The following THNSL2 variants were observed in gnomAD, a reference collection of about 807,000 sequenced individuals.
THNSL2 encodes the protein threonine synthase like 2, also known as threonine synthase-like 2.
In THNSL2, 34 loss-of-function variants were observed where a neutral mutation model predicts 40.0. The ratio of observed to expected loss-of-function variants is 0.85; its 90% confidence interval spans 0.65 to 1.13. THNSL2 has a LOEUF of 1.13. Among genes scored for constraint, THNSL2 ranks in the 50% most tolerant of loss-of-function variants. The probability of loss-of-function intolerance (pLI) is 0.00; values close to 1 mark genes in which losing one functional copy is unlikely to be tolerated. For missense variants in THNSL2, 537 were observed against 608.8 expected (o/e 0.88, Z 1.24); for synonymous variants, 241 against 247.5 (o/e 0.97, Z 0.25).
intron 4 of THNSL2, among the ~76,000 whole-genome samples, chr2:88,178,385 T>C (rs1677162350): frequency 6.6e-6 from 1 of 152,170 alleles, no homozygotes; most frequent in Admixed American, 6.5e-5. Flanking sequence ...TCTCTCACCG[T>C]TTTCCAATCA....
At position 88,183,042 on chromosome 2, in the gene THNSL2, G is replaced by A. The variant is rs532957324; in HGVS notation, c.1046G>A (p.Ser349Asn). The part of the protein sequence containing the change: ...ALMEQFERTQ[S>N]VNLPKELHSK... ...ATGGAGCAGTTTGAAAGGACCCAAA[G>A]TGTGAATCTGCCCAAGGAACTGCAC... Residue 349 changes from serine to asparagine, a missense_variant, in exon 7 of 9, where the codon AGT becomes AAT. Transcript: ENST00000674334. The A allele has an allele frequency of 6.8e-6, 11 of 1,613,510 alleles. No homozygotes were observed. Among genetic ancestry groups the A allele is most frequent in the South Asian group, 1.1e-5 (1 of 91,050 alleles).
chr2:88,185,197 C>A, intron 7 of THNSL2, 131 bp from the exon 8 acceptor site: 2 of 1,297,054 alleles, frequency 1.5e-6, no homozygotes, highest in Non-Finnish European at 2.1e-6. Context: ...TGAGCCACAT[C>A]TGAGCCATTC....
At position 88,186,536 on chromosome 2, in the gene THNSL2, A is replaced by C; in HGVS notation, c.*413A>C. On this transcript the variant is annotated 3_prime_UTR_variant, in exon 9 of 9. Coordinates refer to ENST00000674334, the MANE Select transcript of THNSL2 (RefSeq NM_018271.5). ...AGCCTTAGTTGATTTTGGCCCCCAA[A>C]CCAAATCCAAAGGTTCTGGCCCACC... The C allele has an allele frequency of 5.1e-6, 1 of 196,360 alleles. No homozygotes were observed. The highest frequency in any genetic ancestry group is 2.3e-5 in the African/African-American group (1 of 44,094). 12.2% of individuals were successfully genotyped at this position (196,360 alleles called of 1,614,324 possible). A position where few individuals can be genotyped will look rare whatever the true frequency, so the allele number is the denominator to read the frequency against.
At chr2:88,184,755 G>C (rs1423318014) in intron 7 of THNSL2, among the ~76,000 whole-genome samples, 1 of 145,492 alleles carries the variant, frequency 6.9e-6, no homozygotes, top group African/African-American at 2.5e-5. Context: ...GTGACAGAGA[G>C]AGACTCTGTC....
chr2:88,177,878 C>G (rs967650762), intron 4 of THNSL2, among the ~76,000 whole-genome samples: 1 of 152,200 alleles, frequency 6.6e-6, no homozygotes, highest in Non-Finnish European at 1.5e-5. Flanking sequence ...TTGGTCCTGG[C>G]AAAGGAATGG....
At position 88,185,386 on chromosome 2, in the gene THNSL2, G is replaced by A. The variant is rs758117080; in HGVS notation, c.1136G>A (p.Gly379Asp). The A allele has an allele frequency of 6.2e-7, 1 of 1,614,058 alleles. No individual in the cohort carries two copies. Among genetic ancestry groups the A allele is most frequent in the Non-Finnish European group, 8.5e-7 (1 of 1,180,028 alleles). The part of the protein sequence containing the change: ...VSDEAITQTM[G>D]RCWDENQYLL... ...GATGAAGCCATCACCCAGACCATGG[G>A]CCGCTGCTGGGATGAGAACCAGTAC... The change falls in exon 8 of 9, where the codon GGC becomes GAC. Residue 379 changes from glycine to aspartate, a missense_variant. Coordinates refer to ENST00000674334, the MANE Select transcript of THNSL2 (RefSeq NM_018271.5).
intron 7 of THNSL2, among the ~76,000 whole-genome samples, chr2:88,184,979 T>C (rs1394861356): frequency 6.6e-6 from 1 of 152,116 alleles, no homozygotes; most frequent in East Asian, 1.9e-4. Flanking sequence ...GTGAGCTGAA[T>C]AGGAACTGAC....
Position 88,173,385 on chromosome 2 carries a change from C to A in THNSL2, c.223+12C>A. ...AGATGAATTAAATGGTGAGTGCTCC[C>A]ACCTGTACTTTCACTCTTCCAGCCC... On this transcript the variant is annotated intron_variant, in intron 2 of 8. Transcript: ENST00000674334. 6.4e-7 allele frequency: 1 copy of A among 1,573,826 alleles called. No homozygotes were observed.
intron 1 of THNSL2, among the ~76,000 whole-genome samples, 162 bp downstream of exon 1, chr2:88,170,618 C>T (rs938050142): frequency 2.0e-5 from 3 of 152,204 alleles, no homozygotes; most frequent in Non-Finnish European, 2.9e-5. Context: ...ACTTGAGGAA[C>T]TTGGGAGGGT....
At chr2:88,184,817 A>G (rs889379027) in intron 7 of THNSL2, among the ~76,000 whole-genome samples, 1 of 152,166 alleles carries the variant, frequency 6.6e-6, no homozygotes, top group African/African-American at 2.4e-5. Context: ...TCCCTACTGC[A>G]GTCAAGTATA....
Position 88,179,015 on chromosome 2 carries a change from T to C in THNSL2, c.802+2T>C, listed in dbSNP as rs146305637. 2,033 of 1,614,034 alleles carry C rather than the reference T, an allele frequency of 1.3e-3. 35 individuals carry two copies. In the South Asian group the frequency reaches 0.02, roughly 16 times the overall value. The stretch of plus-strand genomic sequence containing the variant: ...CAGGGGCTGCCGGTAACCTTGCAGG[T>C]AAGGAATCCCCGGGGCACAAATGGG... On this transcript the variant is annotated splice_donor_variant, in intron 5 of 8. Coordinates refer to ENST00000674334, the MANE Select transcript of THNSL2 (RefSeq NM_018271.5). LOFTEE classifies it high-confidence loss of function.
chr2:88,186,412 T>G lies in THNSL2; in HGVS notation c.*289T>G, dbSNP rs538144806. The G allele has an allele frequency of 3.0e-5, 13 of 439,834 alleles. No homozygotes were observed. In the East Asian group the frequency reaches 5.5e-4, roughly 19 times the overall value. The allele number at this position is 439,834 out of a possible 1,614,324, so 27.2% of individuals were successfully genotyped here. ...TTTCAGGGCCTGCAAAAGAAGAGGC[T>G]TGGGCACAGGACTGACCATGGCTCC... On this transcript the variant is annotated 3_prime_UTR_variant, in exon 9 of 9. Transcript: ENST00000674334.
At chr2:88,184,459 A>G (rs1243370574) in intron 7 of THNSL2, among the ~76,000 whole-genome samples, 1 of 152,210 alleles carries the variant, frequency 6.6e-6, no homozygotes, top group East Asian at 1.9e-4. Flanking sequence ...CACAGCAGGT[A>G]GCTATATGAA....
intron 4 of THNSL2, chr2:88,177,180 A>T (rs1289156786): frequency 6.6e-6 from 1 of 152,222 alleles, no homozygotes; most frequent in African/African-American, 2.4e-5. Context: ...TGTTCAAGAA[A>T]ATGAGAAACT....
chr2:88,175,713 C>A, intron 4 of THNSL2: 1 of 295,304 alleles, frequency 3.4e-6, no homozygotes, highest in Non-Finnish European at 6.4e-6. Context: ...ATGTCAGCAA[C>A]CATGCAGAGT....
chr2:88,175,170 C>G, intron 3 of THNSL2, 79 bp from the exon 4 acceptor site: 27 of 1,473,818 alleles, frequency 1.8e-5, no homozygotes, highest in Non-Finnish European at 2.5e-5. Flanking sequence ...TATTTGACAA[C>G]AGTGCTTTGG....
Position 88,186,183 on chromosome 2 carries a change from G to C in THNSL2, c.*60G>C. 1 of 1,490,176 alleles carries C rather than the reference G, an allele frequency of 6.7e-7. No homozygotes were observed. 92.3% of individuals were successfully genotyped at this position (1,490,176 alleles called of 1,614,324 possible). On this transcript the variant is annotated 3_prime_UTR_variant, in exon 9 of 9. Coordinates refer to ENST00000674334, the MANE Select transcript of THNSL2 (RefSeq NM_018271.5). ...CCCAGGAAGATGCACCTTCTGAGCT[G>C]CCTTGTGCACCCTCCCCATTAAGCG...
intron 3 of THNSL2, 126 bp from the exon 4 acceptor site, chr2:88,175,123 G>T: frequency 9.0e-7 from 1 of 1,116,570 alleles, no homozygotes. Flanking sequence ...GGAGTGCTAG[G>T]TTCATATCAT....
At chr2:88,183,315 T>C (rs983817938) in intron 7 of THNSL2, 8 of 433,976 alleles carry the variant, frequency 1.8e-5, no homozygotes, top group Non-Finnish European at 3.2e-5. Flanking sequence ...GCTAGTTTCC[T>C]AAACTCTGTG....
Sources: gnomAD v4.1 joint callset for allele counts (sites outside exome capture counted in the v4.1 genomes callset) on GRCh38, gnomAD v4.1.1 for gene constraint, MANE v1.5 for transcripts, NCBI Gene and HGNC (gene_info 2026-07-23, HGNC 2026-07-21) for gene names.